The following CDH23 variants were observed in gnomAD, a reference collection of about 807,000 sequenced individuals.
CDH23 encodes the protein cadherin-23.
Under a neutral mutation model 317.1 loss-of-function variants are expected in CDH23, and 189 were observed. That is an observed-to-expected ratio of 0.60 (90% CI 0.53 to 0.67). CDH23 has a LOEUF of 0.67. Ranked by LOEUF, CDH23 falls within the 30% of genes least tolerant of loss-of-function variation. The pLI is 0.00. For synonymous variants in CDH23, 1,839 were observed against 1,876.8 expected (o/e 0.98, Z 0.52); for missense variants, 4,401 against 4,592.4 (o/e 0.96, Z 1.20).
chr10:71,446,391 T>A lies in CDH23; in HGVS notation c.141T>A (p.Pro47=). The A allele has an allele frequency of 6.2e-7, 1 of 1,613,984 alleles. No individual in the cohort carries two copies. The highest frequency in any genetic ancestry group is 8.5e-7 in the Non-Finnish European group (1 of 1,179,866). ...ACCTGCTGATCAGCGAGGACACGCC[T>A]GTGGGTGAGTGGGGGCATGGGCTGG... ...DTYLLISEDT[P]VGSSVTQLLA... The change falls in exon 3 of 70, where the codon CCT becomes CCA. Residue 47 remains proline, a synonymous_variant. Coordinates refer to ENST00000224721, the MANE Select transcript of CDH23 (RefSeq NM_022124.6).
At chr10:71,646,873 T>C in intron 14 of CDH23, 1 of 1,436,326 alleles carries the variant, frequency 7.0e-7, no homozygotes, top group South Asian at 1.6e-5. Context: ...GTTTTCTGCC[T>C]TTCCCCGAGA....
At position 71,622,403 on chromosome 10, in the gene CDH23, G is replaced by A. The variant is rs117796578; in HGVS notation, c.1134+5010G>A. On this transcript the variant is annotated intron_variant, in intron 11 of 69. Transcript: ENST00000224721. ...CTTCTGCATGGGGACAGTTTGTTGC[G>A]CGGGTTGGAATTTTCTGTTCAGTTG... Among the ~76,000 whole-genome samples the A allele has an allele frequency of 5.0e-3, 757 of 152,180 alleles. 3 individuals are homozygous for A. The highest frequency in any genetic ancestry group is 8.4e-3 in the Non-Finnish European group (569 of 68,008).
intron 1 of CDH23, among the ~76,000 whole-genome samples, chr10:71,402,744 T>TGC (rs1390615808): frequency 2.2e-5 from 2 of 91,878 alleles, no homozygotes; most frequent in Non-Finnish European, 4.6e-5. Flanking sequence ...TGTGTGTGTG[T>TGC]GCACGCGCGC....
intron 38 of CDH23, among the ~76,000 whole-genome samples, chr10:71,775,302 T>C (rs1441446127): frequency 6.6e-6 from 1 of 152,092 alleles, no homozygotes; most frequent in African/African-American, 2.4e-5. Context: ...CTGGCTTTGC[T>C]CAGGACACCC....
At chr10:71,426,511 G>T (rs1849085508) in intron 1 of CDH23, among the ~76,000 whole-genome samples, 1 of 152,086 alleles carries the variant, frequency 6.6e-6, no homozygotes, top group African/African-American at 2.4e-5. Flanking sequence ...GGCAGGAGGG[G>T]GCTAGGTGAG....
rs59975648 is a variant in CDH23, at chr10:71,496,335, A to AT, written c.146-13733dup. On this transcript the variant is annotated intron_variant, in intron 3 of 69. Coordinates refer to ENST00000224721, the MANE Select transcript of CDH23 (RefSeq NM_022124.6). ...ATGGGAAGTGGCAACAAAGCAAAAC[A>AT]TTTTTTTTTTTTTTGCTCCACCTGT... Among the ~76,000 whole-genome samples the AT allele has an allele frequency of 6.7e-3, 997 of 149,218 alleles. 42 individuals are homozygous for AT. The East Asian group carries it at 0.13, about 19-fold the overall frequency.
At chr10:71,645,698 C>A in intron 12 of CDH23, 133 bp from the exon 13 acceptor site, 1 of 998,754 alleles carries the variant, frequency 1.0e-6, no homozygotes, top group South Asian at 1.3e-5. Context: ...CCTGCTCTGT[C>A]CCAGCGCCTC....
chr10:71,579,210 T>C lies in CDH23; in HGVS notation c.832+1218T>C, dbSNP rs772524487. 4.6e-5 allele frequency among the ~76,000 whole-genome samples: 7 copies of C among 152,250 alleles called. No homozygotes were observed. The South Asian group carries it at 1.4e-3, about 32-fold the overall frequency. On this transcript the variant is annotated intron_variant, in intron 9 of 69. Transcript: ENST00000224721. ...GGTTAGCTAGTAGGAGGGAGACACC[T>C]CATGTCCTTGGCAATGCAGGAAACC... is the stretch of plus-strand genomic sequence containing the variant.
intron 7 of CDH23, among the ~76,000 whole-genome samples, chr10:71,569,137 G>A (rs1382036781): frequency 6.6e-6 from 1 of 152,226 alleles, no homozygotes; most frequent in African/African-American, 2.4e-5. Flanking sequence ...GTGGGCCCCA[G>A]TCCTGGAGCC....
At chr10:71,422,622 A>G (rs1186347490) in intron 1 of CDH23, among the ~76,000 whole-genome samples, 2 of 152,156 alleles carry the variant, frequency 1.3e-5, no homozygotes, top group Admixed American at 6.5e-5. Context: ...TTCCTTGTAT[A>G]AGGAAGAAAA....
intron 14 of CDH23, among the ~76,000 whole-genome samples, chr10:71,660,472 G>A (rs897565788): frequency 2.0e-5 from 3 of 152,078 alleles, no homozygotes; most frequent in African/African-American, 4.8e-5. Context: ...GGTCCCAGGT[G>A]GTTGCCAGAA....
intron 18 of CDH23, among the ~76,000 whole-genome samples, chr10:71,685,693 C>T (rs757392640): frequency 2.6e-5 from 4 of 152,202 alleles, no homozygotes; most frequent in Non-Finnish European, 5.9e-5. Flanking sequence ...TACACCCTGG[C>T]CCTGGGGCAG....
intron 11 of CDH23, among the ~76,000 whole-genome samples, chr10:71,627,966 G>A (rs1168268961): frequency 6.6e-6 from 1 of 152,062 alleles, no homozygotes; most frequent in African/African-American, 2.4e-5. Flanking sequence ...GTGCCCCTTC[G>A]TTGTGGGTGC....
intron 14 of CDH23, among the ~76,000 whole-genome samples, chr10:71,651,316 G>A (rs187654241): frequency 4.8e-5 from 7 of 146,978 alleles, no homozygotes; most frequent in South Asian, 2.2e-4. Flanking sequence ...GATCACTTGC[G>A]CCTAGGAGTT....
Position 71,405,211 on chromosome 10 carries a change from T to C in CDH23, c.-6+7893T>C, listed in dbSNP as rs144016342. 4.5e-3 allele frequency among the ~76,000 whole-genome samples: 692 copies of C among 152,224 alleles called. 6 individuals are homozygous for C. The highest frequency in any genetic ancestry group is 0.016 in the African/African-American group (651 of 41,524). The stretch of plus-strand genomic sequence containing the variant: ...GGAGATTAGCCATCCTGCCCTGGCT[T>C]ATAAGGGACTTTATTCTCCTCCAGC... On this transcript the variant is annotated intron_variant, in intron 1 of 69. Coordinates refer to ENST00000224721, the MANE Select transcript of CDH23 (RefSeq NM_022124.6).
At chr10:71,722,238 C>T (rs1258609384) in intron 28 of CDH23, among the ~76,000 whole-genome samples, 4 of 152,018 alleles carry the variant, frequency 2.6e-5, no homozygotes, top group East Asian at 1.9e-4. Context: ...CTCAGGAGTT[C>T]GAGACCAGCC....
chr10:71,697,157 G>A (rs969925026), intron 22 of CDH23, among the ~76,000 whole-genome samples: 17 of 152,326 alleles, frequency 1.1e-4, no homozygotes, highest in African/African-American at 3.8e-4. Flanking sequence ...GGTGTGCCAG[G>A]TGAGGACTGC....
At chr10:71,728,921 C>T (rs568971522) in intron 30 of CDH23, among the ~76,000 whole-genome samples, 96 of 152,140 alleles carry the variant, frequency 6.3e-4, no homozygotes, top group Non-Finnish European at 1.2e-3. Context: ...GTCTCAAACT[C>T]CTGGGCTCAA....
intron 1 of CDH23, among the ~76,000 whole-genome samples, chr10:71,423,819 G>A (rs1848923999): frequency 6.6e-6 from 1 of 152,226 alleles, no homozygotes; most frequent in Non-Finnish European, 1.5e-5. Context: ...GGCTGGTGGT[G>A]CTCGCTGGGC....
Sources: allele counts gnomAD v4.1 joint callset (sites outside exome capture counted in the v4.1 genomes callset), GRCh38; gene constraint gnomAD v4.1.1; transcripts MANE v1.5; gene names NCBI Gene and HGNC (gene_info 2026-07-23, HGNC 2026-07-21).